GRID2: variants seen among roughly 807,000 people sequenced by gnomAD.
GRID2 encodes glutamate ionotropic receptor delta type subunit 2, also known as glutamate receptor ionotropic, delta-2.
GRID2 carries 33 observed loss-of-function variants against 114.8 expected under a neutral mutation model. The observed-to-expected ratio is 0.29, with a 90% CI of 0.22 to 0.38. GRID2 has a LOEUF of 0.38. GRID2 is among the 10% of genes least tolerant of loss of function. The pLI, the probability that GRID2 is intolerant of heterozygous loss-of-function variation, is 1.00. For synonymous variants in GRID2, 505 were observed against 449.9 expected (o/e 1.12, Z -1.55); for missense variants, 1,184 against 1,257.7 (o/e 0.94, Z 0.89).
chr4:92,669,118 GA>G (rs1238390251), intron 2 of GRID2, among the ~76,000 whole-genome samples: 1 of 151,662 alleles, frequency 6.6e-6, no homozygotes, highest in Non-Finnish European at 1.5e-5. Flanking sequence ...AAAAGTCATT[GA>G]AAAAATGTTT....
chr4:93,732,166 A>AT (rs761576060), intron 14 of GRID2, among the ~76,000 whole-genome samples: 4 of 152,124 alleles, frequency 2.6e-5, no homozygotes, highest in African/African-American at 9.7e-5. Context: ...CATATCATAG[A>AT]TTTTCCATGG....
intron 14 of GRID2, among the ~76,000 whole-genome samples, chr4:93,746,765 TAGTC>T (rs1429177984): frequency 2.0e-5 from 3 of 152,084 alleles, no homozygotes; most frequent in Non-Finnish European, 2.9e-5. Context: ...TCCTGTTACA[TAGTC>T]AGGCTATTTA....
At chr4:93,006,413 G>A (rs73837378) in intron 2 of GRID2, among the ~76,000 whole-genome samples, 1 of 152,058 alleles carries the variant, frequency 6.6e-6, no homozygotes, top group African/African-American at 2.4e-5. Flanking sequence ...GAAATATTGA[G>A]CACAGATATA....
chr4:93,791,875 T>C (rs1734702142), intron 1 of GRID2, among the ~76,000 whole-genome samples: 1 of 152,240 alleles, frequency 6.6e-6, no homozygotes, highest in Non-Finnish European at 1.5e-5. Flanking sequence ...CTCAGCCCTC[T>C]TTTGAAAAAT....
At chr4:93,681,128 C>T (rs1360310026) in intron 14 of GRID2, among the ~76,000 whole-genome samples, 1 of 151,416 alleles carries the variant, frequency 6.6e-6, no homozygotes, top group Non-Finnish European at 1.5e-5. Context: ...CATTCTTATA[C>T]ACCAATAACA....
At chr4:92,549,700 C>A (rs952368677) in intron 1 of GRID2, among the ~76,000 whole-genome samples, 2 of 152,140 alleles carry the variant, frequency 1.3e-5, no homozygotes, top group African/African-American at 4.8e-5. Flanking sequence ...CTAAGATTCA[C>A]AGTTTAGGTT....
chr4:93,422,377 A>G (rs1046640198), intron 9 of GRID2, among the ~76,000 whole-genome samples: 39 of 152,154 alleles, frequency 2.6e-4, no homozygotes, highest in Non-Finnish European at 1.6e-4. Context: ...TATAGCTGTT[A>G]AAATTTTATT....
intron 2 of GRID2, among the ~76,000 whole-genome samples, chr4:92,638,071 G>A (rs1020468727): frequency 1.3e-5 from 2 of 151,866 alleles, no homozygotes; most frequent in Non-Finnish European, 2.9e-5. Flanking sequence ...GACATGTATA[G>A]CTCACATCAT....
At chr4:92,313,081 A>ATGTGTG (rs144557382) in intron 1 of GRID2, among the ~76,000 whole-genome samples, 2,235 of 145,186 alleles carry the variant, frequency 0.015, 20 homozygotes, top group Non-Finnish European at 0.019. Context: ...AAACTCTGAT[A>ATGTGTG]TGTGTGTGTG....
At chr4:93,302,854 G>A (rs566498405) in intron 8 of GRID2, among the ~76,000 whole-genome samples, 17 of 152,260 alleles carry the variant, frequency 1.1e-4, no homozygotes, top group Non-Finnish European at 1.8e-4. Context: ...TGTAGAGCCT[G>A]GGCTTTTTTA....
intron 14 of GRID2, among the ~76,000 whole-genome samples, chr4:93,637,862 T>A (rs1721554698): frequency 6.6e-6 from 1 of 152,188 alleles, no homozygotes. Flanking sequence ...AATTGCCTCT[T>A]ATCTATCCCA....
intron 2 of GRID2, among the ~76,000 whole-genome samples, chr4:92,690,620 C>T (rs1197548331): frequency 6.6e-6 from 1 of 152,104 alleles, no homozygotes; most frequent in Non-Finnish European, 1.5e-5. Context: ...TTGCAAAAAA[C>T]AATATCCGTG....
At chr4:92,571,357 A>G (rs1394742225) in intron 1 of GRID2, among the ~76,000 whole-genome samples, 2 of 152,142 alleles carry the variant, frequency 1.3e-5, no homozygotes, top group Non-Finnish European at 2.9e-5. Context: ...TATGCACCCA[A>G]TACAGGAGCA....
intron 2 of GRID2, among the ~76,000 whole-genome samples, chr4:92,846,268 G>A (rs937933969): frequency 1.3e-5 from 2 of 152,000 alleles, no homozygotes; most frequent in Non-Finnish European, 2.9e-5. Flanking sequence ...CCACCATCCT[G>A]GTACTGAGTA....
At chr4:93,587,280 A>G (rs1737641145) in intron 13 of GRID2, among the ~76,000 whole-genome samples, 1 of 152,150 alleles carries the variant, frequency 6.6e-6, no homozygotes, top group Non-Finnish European at 1.5e-5. Flanking sequence ...TTATCTAAAT[A>G]TTAAAAAGTA....
intron 1 of GRID2, among the ~76,000 whole-genome samples, chr4:92,408,482 G>A (rs1366617489): frequency 2.1e-5 from 1 of 47,952 alleles, no homozygotes; most frequent in African/African-American, 7.7e-5. Context: ...TGTTTTAAAT[G>A]AACTTTAGAA....
chr4:92,768,655 C>T (rs1578166260), intron 2 of GRID2, among the ~76,000 whole-genome samples: 1 of 152,242 alleles, frequency 6.6e-6, no homozygotes, highest in Middle Eastern at 3.4e-3. Flanking sequence ...GGAGGCCTCA[C>T]AATCATGGCA....
At position 93,193,356 on chromosome 4, in the gene GRID2, G is replaced by T. The variant is rs1475399679; in HGVS notation, c.736-14048G>T. On this transcript the variant is annotated intron_variant, in intron 4 of 15. Transcript: ENST00000282020. ...TTCCCATAATCCCCACGTGTCATGGGAGAGACCCGGTGGGAGGTAATTGAA... is the reference window on the plus strand; with the variant it reads ...TTCCCATAATCCCCACGTGTCATGGTAGAGACCCGGTGGGAGGTAATTGAA... Among the ~76,000 whole-genome samples, 4 of 152,098 alleles carry T rather than the reference G, an allele frequency of 2.6e-5. No individual in the cohort carries two copies. The East Asian group carries it at 7.7e-4, about 29-fold the overall frequency.
At chr4:93,278,127 G>T (rs1752255966) in intron 8 of GRID2, among the ~76,000 whole-genome samples, 1 of 151,872 alleles carries the variant, frequency 6.6e-6, no homozygotes, top group African/African-American at 2.4e-5. Flanking sequence ...ATGCCAGAAT[G>T]GGAGGCAATG....
Sources: allele counts gnomAD v4.1 joint callset (sites outside exome capture counted in the v4.1 genomes callset), GRCh38; gene constraint gnomAD v4.1.1; transcripts MANE v1.5; gene names NCBI Gene and HGNC (gene_info 2026-07-23, HGNC 2026-07-21).